Variants in ZNF532 observed in about 807,000 individuals in gnomAD.
ZNF532 encodes the protein zinc finger protein 532.
ZNF532 carries 22 observed loss-of-function variants against 89.3 expected under a neutral mutation model. The observed-to-expected ratio is 0.25, with a 90% CI of 0.18 to 0.35. The LOEUF is 0.35. Among genes scored for constraint, ZNF532 ranks in the 10% least tolerant of loss-of-function variants. The probability of loss-of-function intolerance (pLI) is 1.00; values close to 1 mark genes in which losing one functional copy is unlikely to be tolerated. For missense variants in ZNF532, 1,132 were observed against 1,643.4 expected, an observed-to-expected ratio of 0.69 and a Z score of 5.38; for synonymous variants, 606 against 649.6, an observed-to-expected ratio of 0.93 and a Z score of 1.02.
intron 2 of ZNF532, among the ~76,000 whole-genome samples, chr18:58,889,157 A>G (rs958106875): frequency 1.3e-5 from 2 of 151,440 alleles, no homozygotes; most frequent in East Asian, 2.0e-4. Flanking sequence ...CTTACAAATC[A>G]TGTTTTCTCT....
intron 7 of ZNF532, chr18:58,954,228 T>A: frequency 1.0e-6 from 1 of 989,124 alleles, no homozygotes; most frequent in Non-Finnish European, 1.2e-6. Flanking sequence ...TCCTTGAGTT[T>A]GGTAGTGGGA....
intron 2 of ZNF532, among the ~76,000 whole-genome samples, chr18:58,878,278 A>G (rs922606933): frequency 1.3e-5 from 2 of 151,344 alleles, no homozygotes; most frequent in Non-Finnish European, 2.9e-5. Flanking sequence ...AACAAAACGA[A>G]AAAAAACCAC....
chr18:58,983,602 C>T (rs7227003), intron 9 of ZNF532, among the ~76,000 whole-genome samples: 25,673 of 152,006 alleles, frequency 0.17, 2,816 homozygotes, highest in East Asian at 0.55. Context: ...CACATATACC[C>T]CCCCCTTGCT....
chr18:58,912,110 C>T (rs2060319413), intron 2 of ZNF532, among the ~76,000 whole-genome samples: 1 of 152,106 alleles, frequency 6.6e-6, no homozygotes, highest in Non-Finnish European at 1.5e-5. Context: ...TGGCTTCACT[C>T]CTCTATTTCC....
intron 2 of ZNF532, among the ~76,000 whole-genome samples, chr18:58,877,915 T>C (rs1275631657): frequency 6.6e-6 from 1 of 150,516 alleles, no homozygotes; most frequent in Non-Finnish European, 1.5e-5. Context: ...TAGGGCAGAA[T>C]GTTGCCATAG....
intron 4 of ZNF532, 139 bp from the exon 5 acceptor site, chr18:58,939,306 G>T: frequency 5.7e-6 from 2 of 348,722 alleles, no homozygotes; most frequent in Middle Eastern, 9.3e-4. Flanking sequence ...TTTATAATAG[G>T]AAAAAAACTA....
intron 2 of ZNF532, among the ~76,000 whole-genome samples, chr18:58,894,160 T>G (rs1180785445): frequency 6.6e-6 from 1 of 152,194 alleles, no homozygotes; most frequent in Non-Finnish European, 1.5e-5. Flanking sequence ...GATTTTCATC[T>G]TGCCATTGAA....
chr18:58,950,086 C>A (rs1177857037), intron 6 of ZNF532, among the ~76,000 whole-genome samples: 2 of 152,058 alleles, frequency 1.3e-5, no homozygotes, highest in Non-Finnish European at 2.9e-5. Flanking sequence ...GGAATTAAAC[C>A]AAAATATTTT....
chr18:58,982,133 A>T (rs988908051), intron 9 of ZNF532, among the ~76,000 whole-genome samples: 1 of 151,624 alleles, frequency 6.6e-6, no homozygotes, highest in Admixed American at 6.6e-5. Flanking sequence ...CCCCATCTCT[A>T]CTAAAAAAAT....
chr18:58,921,162 G>A (rs1420365491), intron 3 of ZNF532, among the ~76,000 whole-genome samples: 2 of 151,146 alleles, frequency 1.3e-5, no homozygotes, highest in African/African-American at 4.9e-5. Flanking sequence ...TTGAGGGGAG[G>A]ATAATATATA....
At chr18:58,951,513 A>G (rs1285491631) in intron 6 of ZNF532, among the ~76,000 whole-genome samples, 1 of 152,180 alleles carries the variant, frequency 6.6e-6, no homozygotes, top group East Asian at 1.9e-4. Flanking sequence ...GCAATGAAAC[A>G]CAGAAGCCTT....
At chr18:58,867,313 C>A (rs2056562218) in intron 2 of ZNF532, among the ~76,000 whole-genome samples, 1 of 152,128 alleles carries the variant, frequency 6.6e-6, no homozygotes, top group South Asian at 2.1e-4. Context: ...TCCTCTCCCT[C>A]CCCCTTGAAG....
At chr18:58,913,942 A>G (rs1327096432) in intron 2 of ZNF532, among the ~76,000 whole-genome samples, 2 of 152,236 alleles carry the variant, frequency 1.3e-5, no homozygotes, top group South Asian at 2.1e-4. Flanking sequence ...TTTCTGTTTC[A>G]GGATTAAAGT....
intron 4 of ZNF532, 53 bp downstream of exon 4, chr18:58,934,667 A>T: frequency 6.5e-7 from 1 of 1,545,258 alleles, no homozygotes; most frequent in Non-Finnish European, 8.8e-7. Flanking sequence ...TTACAACCGC[A>T]CAGCATTTTG....
At chr18:58,962,966 C>G (rs2065512843) in intron 7 of ZNF532, among the ~76,000 whole-genome samples, 1 of 152,168 alleles carries the variant, frequency 6.6e-6, no homozygotes. Flanking sequence ...ACACTCATAC[C>G]ACCTGGGATC....
intron 7 of ZNF532, among the ~76,000 whole-genome samples, chr18:58,977,007 G>A (rs576352255): frequency 6.6e-6 from 1 of 152,130 alleles, no homozygotes; most frequent in Non-Finnish European, 1.5e-5. Flanking sequence ...GGCCTATTTT[G>A]TGTAATCAAA....
At chr18:58,965,992 G>C (rs1035783666) in intron 7 of ZNF532, among the ~76,000 whole-genome samples, 4 of 152,140 alleles carry the variant, frequency 2.6e-5, no homozygotes, top group African/African-American at 9.7e-5. Flanking sequence ...TTAGAATCAG[G>C]GTTTTTTTGA....
chr18:58,952,790 T>C (rs6567036), intron 6 of ZNF532, among the ~76,000 whole-genome samples: 54,203 of 152,116 alleles, frequency 0.36, 12,603 homozygotes, highest in East Asian at 0.64. Context: ...TGCACTAATT[T>C]TGCCCTTTTC....
At chr18:58,888,868 A>ATATATATAAAAT (rs1301154103) in intron 2 of ZNF532, among the ~76,000 whole-genome samples, 10 of 42,226 alleles carry the variant, frequency 2.4e-4, no homozygotes, top group Admixed American at 7.9e-4. Flanking sequence ...ATATATATAT[A>ATATATATAAAAT]ATATATATTA....
Sources: allele counts gnomAD v4.1 joint callset (sites outside exome capture counted in the v4.1 genomes callset), GRCh38; gene constraint gnomAD v4.1.1; transcripts MANE v1.5; gene names NCBI Gene and HGNC (gene_info 2026-07-23, HGNC 2026-07-21).